The following PCLO variants were observed in gnomAD, a reference collection of about 807,000 sequenced individuals.
PCLO encodes piccolo presynaptic cytomatrix protein.
Under a neutral mutation model 427.5 loss-of-function variants are expected in PCLO, and 82 were observed. The observed-to-expected ratio is 0.19, with a 90% confidence interval of 0.16 to 0.23. The LOEUF (loss-of-function observed/expected upper bound fraction) is 0.23. Among genes scored for constraint, PCLO ranks in the 10% least tolerant of loss-of-function variants. The pLI is 1.00. For missense variants in PCLO, 6,239 were observed against 6,115.9 expected (o/e 1.02, Z -0.67); for synonymous variants, 2,357 against 2,155.4 (o/e 1.09, Z -2.59).
intron 6 of PCLO, among the ~76,000 whole-genome samples, chr7:82,941,661 T>C (rs1056193726): frequency 1.3e-5 from 2 of 152,216 alleles, no homozygotes; most frequent in Admixed American, 6.5e-5. Flanking sequence ...TATATGTATA[T>C]GCATATATGC....
At position 83,155,904 on chromosome 7, in the gene PCLO, T is replaced by G; in HGVS notation, c.737A>C (p.Lys246Thr). The G allele has an allele frequency of 6.2e-7, 1 of 1,613,892 alleles. No individual in the cohort carries two copies. The highest frequency in any genetic ancestry group is 1.1e-5 in the South Asian group (1 of 91,074). Residue 246 changes from lysine to threonine, a missense_variant, in exon 2 of 25, where the codon AAA (lysine) becomes ACA (threonine). Physicochemically the swap from Lys to Thr is moderately conservative, Grantham distance 78. Coordinates refer to ENST00000333891, the MANE Select transcript of PCLO (RefSeq NM_033026.6). Reference protein sequence around the residue: ...PKSISSQQPEKIKSQPPGTGK... With the variant: ...PKSISSQQPETIKSQPPGTGK... Reference sequence around the variant, plus strand: ...TGTACCTGGAGGTTGTGATTTAATTTTTTCTGGTTGTTGAGAAGATATTGA... The same window carrying G: ...TGTACCTGGAGGTTGTGATTTAATTGTTTCTGGTTGTTGAGAAGATATTGA...
In PCLO at chr7:83,135,003, T is replaced by C. The variant is rs200899732; in HGVS notation, c.2547A>G (p.Val849=). The C allele has an allele frequency of 1.1e-5, 18 of 1,613,676 alleles. No homozygotes were observed. Among genetic ancestry groups the C allele is most frequent in the Middle Eastern group, 3.3e-4 (2 of 6,082 alleles). The change falls in exon 3 of 25, where the codon GTA becomes GTG. Residue 849 remains valine (V), a synonymous_variant. Transcript: ENST00000333891. ...CTTTCTTGGGTTCTTCCTTCTTTTG[T>C]ACGGGGTCAACTTGTTTTTGACCTT... ...ESKGQKQVDP[V]QKKEEPKKAQ...
intron 3 of PCLO, among the ~76,000 whole-genome samples, chr7:83,102,127 TAAAC>T (rs77616412): frequency 0.46 from 69,157 of 151,146 alleles, 16,161 homozygotes; most frequent in East Asian, 0.71. Context: ...ATAAATATAA[TAAAC>T]AAATTCATTT....
intron 7 of PCLO, among the ~76,000 whole-genome samples, chr7:82,910,590 C>T (rs1794298785): frequency 6.6e-6 from 1 of 152,038 alleles, no homozygotes; most frequent in Admixed American, 6.6e-5. Flanking sequence ...AAATCAATGC[C>T]CTGCACAAGG....
chr7:82,763,874 C>G (rs1790479727), intron 22 of PCLO, among the ~76,000 whole-genome samples: 1 of 152,102 alleles, frequency 6.6e-6, no homozygotes, highest in South Asian at 2.1e-4. Flanking sequence ...TTATATCCAG[C>G]TAACCTGTCT....
chr7:83,155,935 G>T lies in PCLO; in HGVS notation c.706C>A (p.Pro236Thr), dbSNP rs746156034. The T allele has an allele frequency of 1.9e-6, 3 of 1,613,736 alleles. No homozygotes were observed. Among genetic ancestry groups the T allele is most frequent in the African/African-American group, 1.3e-5 (1 of 74,866 alleles). Residue 236 changes from proline to threonine, a missense_variant, in exon 2 of 25, where the codon CCC (proline) becomes ACC (threonine). Around this residue, in one of 5 missense-constraint regions of PCLO, gnomAD observed 4,677 missense variants for 4,468.4 expected, o/e 1.05. Coordinates refer to ENST00000333891, the MANE Select transcript of PCLO (RefSeq NM_033026.6). ...GRDPLQQDGT[P>T]KSISSQQPEK... Reference sequence around the variant, plus strand: ...GGTTGTTGAGAAGATATTGATTTGGGAGTGCCATCCTGCTGAAGCGGATCC... The same window carrying T: ...GGTTGTTGAGAAGATATTGATTTGGTAGTGCCATCCTGCTGAAGCGGATCC...
intron 3 of PCLO, among the ~76,000 whole-genome samples, chr7:83,131,345 G>A (rs573337798): frequency 6.6e-6 from 1 of 152,296 alleles, no homozygotes; most frequent in Non-Finnish European, 1.5e-5. Flanking sequence ...CTCAGGTACA[G>A]TGGGAGGTGT....
At position 82,758,009 on chromosome 7, in the gene PCLO, T is replaced by C. The variant is rs1432859785; in HGVS notation, c.*566A>G. ...AATATGGCCTGAAAGCCACAATTTC[T>C]ACATCTCCTCTTCCATTTTCCCTAA... On this transcript the variant is annotated 3_prime_UTR_variant, in exon 25 of 25. Coordinates refer to ENST00000333891, the MANE Select transcript of PCLO (RefSeq NM_033026.6). 2 of 152,048 alleles carry C rather than the reference T, an allele frequency of 1.3e-5. No individual in the cohort carries two copies. Among genetic ancestry groups the C allele is most frequent in the African/African-American group, 4.8e-5 (2 of 41,424 alleles). The allele number at this position is 152,048 out of a possible 1,614,324, so 9.4% of individuals were successfully genotyped here.
intron 3 of PCLO, among the ~76,000 whole-genome samples, chr7:83,079,804 C>T (rs1414462472): frequency 6.6e-6 from 1 of 151,988 alleles, no homozygotes; most frequent in Admixed American, 6.6e-5. Context: ...GTTTGCTGCA[C>T]CTATCAACCC....
Position 82,955,977 on chromosome 7 carries a change from G to T in PCLO, c.4976C>A (p.Thr1659Asn). The change falls in exon 5 of 25, where the codon ACT (threonine) becomes AAT (asparagine). Residue 1659 changes from threonine to asparagine, a missense_variant. By Grantham distance (65) the Thr-to-Asn change is moderately conservative. This residue lies in a region of PCLO where 4,677 missense variants were observed against 4,468.4 expected (regional missense o/e 1.05). Coordinates refer to ENST00000333891, the MANE Select transcript of PCLO (RefSeq NM_033026.6). ...KSQESEELVV[T>N]GGGGLRRFKT... ...AAATCGGCGTAGCCCTCCTCCTCCA[G>T]TAACTACAAGTTCTTCACTTTCCTG... The T allele has an allele frequency of 6.2e-7, 1 of 1,613,474 alleles. No homozygotes were observed. Among genetic ancestry groups the T allele is most frequent in the Non-Finnish European group, 8.5e-7 (1 of 1,179,820 alleles).
chr7:83,077,230 C>T (rs1045922341), intron 3 of PCLO, among the ~76,000 whole-genome samples: 42 of 152,070 alleles, frequency 2.8e-4, no homozygotes, highest in African/African-American at 9.7e-4. Flanking sequence ...ATTGTTTCCG[C>T]TTCTTTGGTC....
rs1395919077 is a variant in PCLO, at chr7:82,952,783, C to T, written c.8170G>A (p.Val2724Ile). 7 of 1,613,592 alleles carry T rather than the reference C, an allele frequency of 4.3e-6. No individual in the cohort carries two copies. The highest frequency in any genetic ancestry group is 5.9e-6 in the Non-Finnish European group (7 of 1,179,672). ...QYKEDGKLQL[V>I]GDVIDLRTVP... is the part of the protein sequence containing the mutation. ...GTACGCAAATCAATTACATCACCAA[C>T]AAGTTGCAATTTTCCATCTTCTTTA... is the stretch of plus-strand genomic sequence containing the variant. The change falls in exon 5 of 25, where the codon GTT becomes ATT. Residue 2724 changes from valine to isoleucine, a missense_variant. Transcript: ENST00000333891.
chr7:82,941,287 CCTA>C (rs781021401), intron 6 of PCLO, among the ~76,000 whole-genome samples: 100 of 152,174 alleles, frequency 6.6e-4, no homozygotes, highest in Non-Finnish European at 1.3e-3. Context: ...TCTATAGTCA[CCTA>C]CTATGTACCC....
chr7:82,769,562 C>T (rs1790604795), intron 22 of PCLO, among the ~76,000 whole-genome samples: 1 of 151,956 alleles, frequency 6.6e-6, no homozygotes, highest in Admixed American at 6.6e-5. Context: ...AGTGCAAGAC[C>T]ATTTTAGGCA....
intron 3 of PCLO, among the ~76,000 whole-genome samples, chr7:83,014,923 G>A (rs777212326): frequency 1.5e-4 from 23 of 152,088 alleles, no homozygotes; most frequent in Non-Finnish European, 3.4e-4. Context: ...AGTAATTATA[G>A]TAGGGAACAC....
In PCLO at chr7:82,847,244, A is replaced by T; in HGVS notation, c.13658T>A (p.Met4553Lys). ...AEQTGKLMEG[M>K]QVLEWNGIPL... ...AATTCCATTCCATTCCAATACTTGC[A>T]TCCCTAGAAAGACAAATTTGAATAT... Residue 4553 changes from methionine to lysine, a missense_variant, in exon 11 of 25, where the codon ATG (methionine) becomes AAG (lysine). Physicochemically the swap from Met to Lys is moderately conservative, Grantham distance 95 (BLOSUM62 -1). Transcript: ENST00000333891. The T allele has an allele frequency of 6.4e-7, 1 of 1,554,034 alleles. No homozygotes were observed. The highest frequency in any genetic ancestry group is 1.1e-5 in the South Asian group (1 of 88,484).
intron 3 of PCLO, among the ~76,000 whole-genome samples, chr7:83,132,258 T>TA (rs1791593855): frequency 6.6e-6 from 1 of 152,186 alleles, no homozygotes; most frequent in Non-Finnish European, 1.5e-5. Flanking sequence ...TTCTGAAACC[T>TA]AATCTTCCAA....
chr7:83,091,881 T>C (rs1429450392), intron 3 of PCLO, among the ~76,000 whole-genome samples: 1 of 152,050 alleles, frequency 6.6e-6, no homozygotes, highest in African/African-American at 2.4e-5. Context: ...ATAAAATAAA[T>C]CTCAAAAAAT....
intron 3 of PCLO, among the ~76,000 whole-genome samples, chr7:83,027,350 A>G (rs888235529): frequency 2.9e-4 from 44 of 152,242 alleles, no homozygotes; most frequent in Middle Eastern, 3.4e-3. Flanking sequence ...AATCTAGAAA[A>G]TCTAGAAGAA....
Sources: allele counts gnomAD v4.1 joint callset (sites outside exome capture counted in the v4.1 genomes callset), GRCh38; gene constraint gnomAD v4.1.1; regional missense constraint gnomAD v4.1.1; transcripts MANE v1.5; gene names NCBI Gene and HGNC (gene_info 2026-07-23, HGNC 2026-07-21).